The following DIP2A variants were observed in gnomAD, a reference collection of about 807,000 sequenced individuals.
The protein encoded by DIP2A is DIP2 acetate--CoA ligase A, also known as disco-interacting protein 2 homolog A.
DIP2A carries 85 observed loss-of-function variants against 177.4 expected under a neutral mutation model. The observed-to-expected ratio is 0.48, with a 90% confidence interval of 0.40 to 0.57. DIP2A has a LOEUF of 0.57. Among genes scored for constraint, DIP2A ranks in the 20% least tolerant of loss-of-function variants. DIP2A has a pLI of 0.00. For missense variants in DIP2A, 1,791 were observed against 2,100.2 expected, an observed-to-expected ratio of 0.85 and a Z score of 2.88; for synonymous variants, 886 against 881.8, an observed-to-expected ratio of 1.00 and a Z score of -0.08.
chr21:46,542,012 G>C, intron 18 of DIP2A, 117 bp downstream of exon 18: 1 of 1,279,766 alleles, frequency 7.8e-7, no homozygotes. Flanking sequence ...GCAGTGGTGT[G>C]ATCTTGGCTC....
rs567583949 is a variant in DIP2A at position 46,467,745 on chromosome 21, GT to G, written c.91+8533del. On this transcript the variant is annotated intron_variant, in intron 1 of 37. Transcript: ENST00000417564. ...GGAATACCCTCTTTAGGTTTTGTTT[GT>G]TTTTTTTTTCATAGTAAATTATCCC... Among the ~76,000 whole-genome samples the G allele has an allele frequency of 6.8e-5, 10 of 148,008 alleles. No homozygotes were observed. In the South Asian group the frequency reaches 1.3e-3, roughly 19 times the overall value.
In DIP2A at chr21:46,534,058, C is replaced by G; in HGVS notation, c.1484C>G (p.Pro495Arg). ...GATGGGAAGCATCTAGCCAAGCCCCCAAAGGACTGGCACCCTCTGGCCCAG... is the reference window on the plus strand; with the variant it reads ...GATGGGAAGCATCTAGCCAAGCCCCGAAAGGACTGGCACCCTCTGGCCCAG... The part of the protein sequence containing the change: ...VIDGKHLAKP[P>R]KDWHPLAQDT... The change falls in exon 12 of 38, where the codon CCA becomes CGA. Residue 495 changes from proline (P) to arginine (R), a missense_variant. By Grantham distance (103) the Pro-to-Arg change is moderately radical (BLOSUM62 -2). Coordinates refer to ENST00000417564, the MANE Select transcript of DIP2A (RefSeq NM_015151.4). The G allele has an allele frequency of 1.2e-6, 2 of 1,613,866 alleles. No homozygotes were observed. The highest frequency in any genetic ancestry group is 1.7e-6 in the Non-Finnish European group (2 of 1,179,886).
chr21:46,515,358 T>G (rs1464919508), intron 8 of DIP2A, among the ~76,000 whole-genome samples: 4 of 152,340 alleles, frequency 2.6e-5, no homozygotes, highest in African/African-American at 9.6e-5. Flanking sequence ...TGTCTTTTCC[T>G]ATCACAGATT....
downstream of DIP2A, among the ~76,000 whole-genome samples, chr21:46,570,276 A>G (rs1000579484): frequency 2.0e-5 from 3 of 152,126 alleles, no homozygotes; most frequent in African/African-American, 7.3e-5. Flanking sequence ...CAGCATGGAA[A>G]AGGCCTCTTT....
chr21:46,495,211 TCTC>T (rs1193771650), intron 3 of DIP2A, among the ~76,000 whole-genome samples: 67 of 96,050 alleles, frequency 7.0e-4, no homozygotes, highest in African/African-American at 3.7e-3. Context: ...TCTCTTCTCT[TCTC>T]TTCTCTTCTC....
chr21:46,492,946 G>C (rs1353122725), intron 3 of DIP2A, among the ~76,000 whole-genome samples: 1 of 147,130 alleles, frequency 6.8e-6, no homozygotes, highest in African/African-American at 2.5e-5. Flanking sequence ...AAAAAAGGAA[G>C]AAAAAAAAAA....
chr21:46,486,383 G>A (rs2056698389), intron 2 of DIP2A, among the ~76,000 whole-genome samples: 1 of 152,104 alleles, frequency 6.6e-6, no homozygotes. Flanking sequence ...TGATTGAGAT[G>A]GGGTCTCGCT....
At chr21:46,464,744 T>G (rs147266350) in intron 1 of DIP2A, among the ~76,000 whole-genome samples, 1 of 151,574 alleles carries the variant, frequency 6.6e-6, no homozygotes, top group African/African-American at 2.4e-5. Context: ...CCACTGATCA[T>G]CTCTTAAAGG....
chr21:46,541,905 A>C lies in DIP2A; in HGVS notation c.2176+10A>C. On this transcript the variant is annotated intron_variant, in intron 18 of 37. Coordinates refer to ENST00000417564, the MANE Select transcript of DIP2A (RefSeq NM_015151.4). ...CAGGTGATGCCTGGAGGTAAGAGAC[A>C]TAACCAGAGTGGGTCTTTGTCCATG... 1 of 1,614,018 alleles carries C rather than the reference A, an allele frequency of 6.2e-7. No individual in the cohort carries two copies. The highest frequency in any genetic ancestry group is 8.5e-7 in the Non-Finnish European group (1 of 1,179,880).
intron 8 of DIP2A, chr21:46,525,674 TG>T (rs2059043235): frequency 6.6e-6 from 1 of 152,128 alleles, no homozygotes; most frequent in Non-Finnish European, 1.5e-5. Context: ...AAGATGAGCA[TG>T]GTACCTGTGC....
At chr21:46,501,579 C>T (rs150142355) in intron 5 of DIP2A, among the ~76,000 whole-genome samples, 36 of 152,192 alleles carry the variant, frequency 2.4e-4, no homozygotes, top group Middle Eastern at 3.4e-3. Flanking sequence ...GCCAGCATGC[C>T]TAGCTAATTT....
intron 1 of DIP2A, among the ~76,000 whole-genome samples, chr21:46,471,311 A>C (rs544733277): frequency 4.7e-4 from 72 of 152,300 alleles, no homozygotes; most frequent in South Asian, 1.0e-3. Flanking sequence ...GTTTACAGGC[A>C]TGAGCCACTG....
intron 1 of DIP2A, among the ~76,000 whole-genome samples, chr21:46,470,929 G>GAA (rs61607316): frequency 1.7e-4 from 14 of 82,896 alleles, no homozygotes; most frequent in South Asian, 1.3e-3. Flanking sequence ...TTCTGTTTCA[G>GAA]AAAAAAAAAA....
chr21:46,478,748 G>GTT (rs556732552), intron 1 of DIP2A, among the ~76,000 whole-genome samples: 8 of 146,238 alleles, frequency 5.5e-5, no homozygotes, highest in African/African-American at 2.0e-4. Context: ...TAGAATTTAT[G>GTT]TTTTTTTTTT....
intron 5 of DIP2A, among the ~76,000 whole-genome samples, chr21:46,500,229 G>A (rs2148541885): frequency 6.6e-6 from 1 of 152,174 alleles, no homozygotes; most frequent in East Asian, 1.9e-4. Context: ...GCCCTGCTCT[G>A]TCTCCACACT....
intron 6 of DIP2A, among the ~76,000 whole-genome samples, chr21:46,507,457 T>C (rs1488809161): frequency 6.6e-6 from 1 of 152,172 alleles, no homozygotes; most frequent in Non-Finnish European, 1.5e-5. Flanking sequence ...GCATCATTTA[T>C]AATAAAGACC....
intron 28 of DIP2A, 130 bp from the exon 29 acceptor site, chr21:46,555,852 A>G (rs2060449107): frequency 2.7e-6 from 2 of 749,196 alleles, no homozygotes; most frequent in Admixed American, 1.9e-5. Context: ...TCACGGCCCC[A>G]CTCCCGTCTG....
intron 36 of DIP2A, among the ~76,000 whole-genome samples, chr21:46,566,196 A>T (rs543310564): frequency 6.6e-6 from 1 of 152,230 alleles, no homozygotes; most frequent in South Asian, 2.1e-4. Context: ...TGGCTTCCCC[A>T]TGCACAACCC....
At chr21:46,524,062 G>A (rs1045387184) in intron 8 of DIP2A, among the ~76,000 whole-genome samples, 5 of 152,184 alleles carry the variant, frequency 3.3e-5, no homozygotes, top group African/African-American at 9.6e-5. Context: ...CAGCTGTCCC[G>A]TCAGCTCTGG....
Sources: gnomAD v4.1 joint callset for allele counts (sites outside exome capture counted in the v4.1 genomes callset) on GRCh38, gnomAD v4.1.1 for gene constraint, MANE v1.5 for transcripts, NCBI Gene and HGNC (gene_info 2026-07-23, HGNC 2026-07-21) for gene names.